The following C2orf49 variants were observed in gnomAD, a reference collection of about 807,000 sequenced individuals.
The protein encoded by C2orf49 is tRNA splicing ligase complex subunit 2.
In C2orf49, 11 loss-of-function variants were observed where a neutral mutation model predicts 20.6. The observed-to-expected ratio is 0.53, with a 90% CI of 0.34 to 0.88. C2orf49 has a LOEUF of 0.88. Ranked by LOEUF, C2orf49 falls within the 40% of genes least tolerant of loss-of-function variation. The probability of loss-of-function intolerance (pLI) is 0.02; values close to 1 mark genes in which losing one functional copy is unlikely to be tolerated. For missense variants in C2orf49, 289 were observed against 274.2 expected, an observed-to-expected ratio of 1.05 and a Z score of -0.38; for synonymous variants, 134 against 108.5, an observed-to-expected ratio of 1.24 and a Z score of -1.46.
At position 105,345,852 on chromosome 2, in the gene C2orf49, A is replaced by G. The variant is rs557307196; in HGVS notation, c.*481A>G. The G allele has an allele frequency of 1.3e-5, 2 of 153,522 alleles. No homozygotes were observed. Among genetic ancestry groups the G allele is most frequent in the African/African-American group, 2.4e-5 (1 of 41,580 alleles). The allele number at this position is 153,522 out of a possible 1,614,324, so 9.5% of individuals were successfully genotyped here. A position where few individuals can be genotyped will look rare whatever the true frequency, so the allele number is the denominator to read the frequency against. On this transcript the variant is annotated 3_prime_UTR_variant, in exon 4 of 4. Coordinates refer to ENST00000258457, the MANE Select transcript of C2orf49 (RefSeq NM_024093.3). Reference sequence around the variant, plus strand: ...GTGGTGCATGCCTGTAATCCCAGCTATTCAGGAGGCTGAGACAGGAGAATC... The same window carrying G: ...GTGGTGCATGCCTGTAATCCCAGCTGTTCAGGAGGCTGAGACAGGAGAATC...
chr2:105,351,326 C>CA (rs1179736388), downstream of C2orf49, among the ~76,000 whole-genome samples: 12 of 83,588 alleles, frequency 1.4e-4, no homozygotes, highest in African/African-American at 4.7e-4. Flanking sequence ...CCCCCCCCCC[C>CA]AAAAAAAAAG....
the C2orf49 span, among the ~76,000 whole-genome samples, chr2:105,385,618 T>A: frequency 6.6e-6 from 1 of 151,812 alleles, no homozygotes; most frequent in Non-Finnish European, 1.5e-5. Context: ...TTCACTGGAG[T>A]GTTTTAGAAG....
At position 105,348,527 on chromosome 2, in the gene C2orf49, CATATATATATATAT is replaced by C. The variant is rs10533537; in HGVS notation, c.*3173_*3186del. 8 of 132,404 alleles carry C rather than the reference CATATATATATATAT, an allele frequency of 6.0e-5. No individual in the cohort carries two copies. The South Asian group carries it at 1.8e-3, about 29-fold the overall frequency. The allele number at this position is 132,404 out of a possible 1,614,324, so 8.2% of individuals were successfully genotyped here. A position where few individuals can be genotyped will look rare whatever the true frequency, so the allele number is the denominator to read the frequency against. On this transcript the variant is annotated 3_prime_UTR_variant, in exon 4 of 4. Transcript: ENST00000258457. Reference sequence around the variant, plus strand: ...AAGTAAAACTGCCAGTAGATTAAATCATATATATATATATATATATATATATATATGTAAGAGCT... The same window carrying C: ...AAGTAAAACTGCCAGTAGATTAAATCATATATATATATATATGTAAGAGCT...
At chr2:105,360,285 G>C in the C2orf49 span, 1 of 134,978 alleles carries the variant, frequency 7.4e-6, no homozygotes, top group African/African-American at 2.7e-5. Context: ...CTGGGCGACA[G>C]AGCGAGACTC....
the C2orf49 span, chr2:105,359,293 GCTTTTA>G: frequency 6.6e-6 from 1 of 152,112 alleles, no homozygotes; most frequent in East Asian, 1.9e-4. Flanking sequence ...AATTTGGAGT[GCTTTTA>G]CTTTTATATT....
chr2:105,357,867 G>A, the C2orf49 span: 1 of 152,132 alleles, frequency 6.6e-6, no homozygotes, highest in African/African-American at 2.4e-5. Context: ...TGTTCAGCCA[G>A]TGTTTGGTCA....
rs114520991 is a variant in C2orf49, at chr2:105,343,220, C to T, written c.639C>T (p.Ala213=). Residue 213 remains alanine (A), a synonymous_variant, in exon 3 of 4, where the codon GCC becomes GCT. Coordinates refer to ENST00000258457, the MANE Select transcript of C2orf49 (RefSeq NM_024093.3). ...KRAAPKEEAE[A]MNNLKPPQAK... ...CTGCTCCTAAAGAAGAGGCAGAGGC[C>T]ATGGTAAGTATGGGGGTGGTTTCCA... 1.2e-3 allele frequency: 1,839 copies of T among 1,584,642 alleles called. 19 individuals carry two copies. In the African/African-American group the frequency reaches 0.023, roughly 19 times the overall value.
chr2:105,361,764 A>G, the C2orf49 span, among the ~76,000 whole-genome samples: 2 of 152,240 alleles, frequency 1.3e-5, no homozygotes, highest in African/African-American at 4.8e-5. Flanking sequence ...TTATGTCTTC[A>G]CTAGGTGCCT....
At chr2:105,365,854 AAAAC>A in the C2orf49 span, among the ~76,000 whole-genome samples, 4 of 152,094 alleles carry the variant, frequency 2.6e-5, no homozygotes, top group Non-Finnish European at 5.9e-5. Flanking sequence ...AAAAAAGAAA[AAAAC>A]AGAAGCATAA....
chr2:105,378,213 A>G, the C2orf49 span: 1 of 470,908 alleles, frequency 2.1e-6, no homozygotes, highest in Non-Finnish European at 4.4e-6. Flanking sequence ...TGGCACAAAA[A>G]TGCAATAGCT....
the C2orf49 span, chr2:105,361,233 C>T: frequency 6.4e-6 from 10 of 1,572,682 alleles, no homozygotes; most frequent in Admixed American, 7.2e-5. Context: ...AGAAAGAAAA[C>T]ATAAAAATCT....
the C2orf49 span, among the ~76,000 whole-genome samples, chr2:105,382,617 G>A: frequency 8.5e-5 from 13 of 152,174 alleles, no homozygotes; most frequent in African/African-American, 3.1e-4. Context: ...AATACACAGT[G>A]GTTTCAAAGA....
At chr2:105,357,610 C>T in the C2orf49 span, 2 of 152,114 alleles carry the variant, frequency 1.3e-5, no homozygotes, top group African/African-American at 4.8e-5. Flanking sequence ...ATAATAATAC[C>T]TAATACAATG....
chr2:105,383,138 G>A, the C2orf49 span, among the ~76,000 whole-genome samples: 417 of 152,304 alleles, frequency 2.7e-3, 4 homozygotes, highest in African/African-American at 9.4e-3. Context: ...CACCTGCCTC[G>A]GCCTCCCAAA....
rs1329499939 is a variant in C2orf49 at position 105,346,987 on chromosome 2, A to G, written c.*1616A>G. 1 of 152,190 alleles carries G rather than the reference A, an allele frequency of 6.6e-6. No homozygotes were observed. Among genetic ancestry groups the G allele is most frequent in the Non-Finnish European group, 1.5e-5 (1 of 68,032 alleles). 9.4% of individuals were successfully genotyped at this position (152,190 alleles called of 1,614,324 possible). Reference sequence around the variant, plus strand: ...CAAATTGGGATTTACCTTTTTCAATATGTTTTAAAGTAGTCTTATTCCTCT... The same window carrying G: ...CAAATTGGGATTTACCTTTTTCAATGTGTTTTAAAGTAGTCTTATTCCTCT... On this transcript the variant is annotated 3_prime_UTR_variant, in exon 4 of 4. Transcript: ENST00000258457.
the C2orf49 span, among the ~76,000 whole-genome samples, chr2:105,368,579 T>A: frequency 6.6e-6 from 1 of 152,218 alleles, no homozygotes; most frequent in South Asian, 2.1e-4. Flanking sequence ...CTATTAGCAT[T>A]TGATACATTT....
At position 105,343,115 on chromosome 2, in the gene C2orf49, G is replaced by A. The variant is rs527293677; in HGVS notation, c.534G>A (p.Thr178=). The A allele has an allele frequency of 1.6e-5, 26 of 1,614,184 alleles. No individual in the cohort carries two copies. The highest frequency in any genetic ancestry group is 3.3e-4 in the Middle Eastern group (2 of 6,062). Reference sequence around the variant, plus strand: ...ACGCTAAACAGAACCATGACTTAACGCATAGGAAAAGTCCTTCAGGCCCTG... The same window carrying A: ...ACGCTAAACAGAACCATGACTTAACACATAGGAAAAGTCCTTCAGGCCCTG... The part of the protein sequence containing the change: ...NNDAKQNHDL[T]HRKSPSGPVK... Residue 178 remains threonine, a synonymous_variant, in exon 3 of 4, where the codon ACG becomes ACA. Transcript: ENST00000258457.
chr2:105,348,573 A>G lies in C2orf49; in HGVS notation c.*3202A>G, dbSNP rs1367955037. ...ATATATATATGTAAGAGCTTCCTCT[A>G]TTTACTACTGTTGAACTTCAGTAAT... On this transcript the variant is annotated 3_prime_UTR_variant, in exon 4 of 4. Transcript: ENST00000258457. 6.8e-6 allele frequency: 1 copy of G among 147,018 alleles called. No homozygotes were observed. The highest frequency in any genetic ancestry group is 1.5e-5 in the Non-Finnish European group (1 of 67,120). 9.1% of individuals were successfully genotyped at this position (147,018 alleles called of 1,614,324 possible).
chr2:105,351,225 T>G (rs1386599999), downstream of C2orf49, among the ~76,000 whole-genome samples: 1 of 151,348 alleles, frequency 6.6e-6, no homozygotes. Flanking sequence ...GAGGTTAACC[T>G]TAACCTCATT....
Sources: gnomAD v4.1 joint callset for allele counts (sites outside exome capture counted in the v4.1 genomes callset) on GRCh38, gnomAD v4.1.1 for gene constraint, MANE v1.5 for transcripts, NCBI Gene and HGNC (gene_info 2026-07-23, HGNC 2026-07-21) for gene names.